The following SCHIP1 variants were observed in gnomAD, a reference collection of about 807,000 sequenced individuals.
SCHIP1 encodes the protein schwannomin-interacting protein 1.
A neutral mutation model predicts 29.7 loss-of-function variants in SCHIP1; 8 were observed. The ratio of observed to expected loss-of-function variants is 0.27; its 90% CI spans 0.16 to 0.49. The LOEUF (loss-of-function observed/expected upper bound fraction) is 0.49, where lower values mean the gene tolerates loss of function less well. Among genes scored for constraint, SCHIP1 ranks in the 20% least tolerant of loss-of-function variants. The pLI is 0.99. For missense variants in SCHIP1, 193 were observed against 294.6 expected, an observed-to-expected ratio of 0.66 and a Z score of 2.52; for synonymous variants, 76 against 94.9, an observed-to-expected ratio of 0.80 and a Z score of 1.16.
the SCHIP1 span, among the ~76,000 whole-genome samples, chr3:159,350,255 C>T: frequency 1.3e-5 from 2 of 152,102 alleles, no homozygotes; most frequent in Non-Finnish European, 2.9e-5. Context: ...AGGTTAAAAA[C>T]CCGGCTCCTT....
At chr3:159,506,218 C>T in the SCHIP1 span, among the ~76,000 whole-genome samples, 1 of 152,110 alleles carries the variant, frequency 6.6e-6, no homozygotes, top group African/African-American at 2.4e-5. Context: ...CTCTGATGGC[C>T]AGTGATGATG....
At chr3:159,396,107 T>C in the SCHIP1 span, among the ~76,000 whole-genome samples, 2 of 139,866 alleles carry the variant, frequency 1.4e-5, no homozygotes, top group African/African-American at 2.6e-5. Context: ...TCTTTGTTGG[T>C]TTAAAGTCTG....
At chr3:159,497,355 C>T in the SCHIP1 span, among the ~76,000 whole-genome samples, 2 of 152,072 alleles carry the variant, frequency 1.3e-5, no homozygotes, top group African/African-American at 4.8e-5. Flanking sequence ...GATAAATGTT[C>T]TATCACATGT....
chr3:159,585,063 C>G, the SCHIP1 span, among the ~76,000 whole-genome samples: 1 of 151,912 alleles, frequency 6.6e-6, no homozygotes, highest in Non-Finnish European at 1.5e-5. Context: ...TTTTAAATTA[C>G]ACCCTGCCCC....
the SCHIP1 span, among the ~76,000 whole-genome samples, chr3:159,501,959 T>C: frequency 1.3e-5 from 2 of 152,316 alleles, no homozygotes; most frequent in East Asian, 3.9e-4. Flanking sequence ...CTTCTGATCA[T>C]TAATCCTATG....
chr3:159,308,616 G>T, the SCHIP1 span, among the ~76,000 whole-genome samples: 1 of 152,114 alleles, frequency 6.6e-6, no homozygotes. Context: ...ATTTCTCAAA[G>T]AACTTAAAAC....
the SCHIP1 span, chr3:159,386,616 G>A: frequency 6.6e-6 from 1 of 152,186 alleles, no homozygotes; most frequent in African/African-American, 2.4e-5. Context: ...CAAAGCTGGA[G>A]ACATCATGCT....
At chr3:159,323,427 T>G in the SCHIP1 span, among the ~76,000 whole-genome samples, 1 of 152,210 alleles carries the variant, frequency 6.6e-6, no homozygotes, top group Admixed American at 6.5e-5. Context: ...GCACCCTTTT[T>G]TAGAATTTGT....
the SCHIP1 span, among the ~76,000 whole-genome samples, chr3:159,315,925 G>A: frequency 4.0e-4 from 54 of 136,430 alleles, 2 homozygotes; most frequent in African/African-American, 1.3e-3. Context: ...TTTTTTGTCG[G>A]GGAGGGGGTA....
the SCHIP1 span, among the ~76,000 whole-genome samples, chr3:159,769,300 C>G: frequency 6.6e-6 from 1 of 152,086 alleles, no homozygotes; most frequent in African/African-American, 2.4e-5. Flanking sequence ...GGGGGCACTG[C>G]CTCAGTGTAC....
the SCHIP1 span, among the ~76,000 whole-genome samples, chr3:159,478,202 C>T: frequency 6.6e-6 from 1 of 152,132 alleles, no homozygotes; most frequent in Non-Finnish European, 1.5e-5. Flanking sequence ...GGATTACAGG[C>T]ATGAGCCACC....
the SCHIP1 span, among the ~76,000 whole-genome samples, chr3:159,556,125 C>T: frequency 2.0e-5 from 3 of 152,130 alleles, no homozygotes; most frequent in African/African-American, 7.2e-5. Context: ...ACAGACACTT[C>T]TCAAAAGAAG....
chr3:159,595,658 TA>T, the SCHIP1 span, among the ~76,000 whole-genome samples: 2 of 152,122 alleles, frequency 1.3e-5, no homozygotes, highest in South Asian at 2.1e-4. Flanking sequence ...CACCACTATT[TA>T]AAAAAAGAAT....
At chr3:159,323,664 A>T in the SCHIP1 span, among the ~76,000 whole-genome samples, 1 of 152,244 alleles carries the variant, frequency 6.6e-6, no homozygotes, top group Non-Finnish European at 1.5e-5. Flanking sequence ...GGAAATAAAG[A>T]CCAACCAAAT....
At chr3:159,503,369 C>T in the SCHIP1 span, among the ~76,000 whole-genome samples, 1 of 152,340 alleles carries the variant, frequency 6.6e-6, no homozygotes, top group Middle Eastern at 3.4e-3. Flanking sequence ...TTCCTTTCAT[C>T]ACTCTTACTA....
At chr3:159,273,884 G>A in the SCHIP1 span, 1 of 1,613,300 alleles carries the variant, frequency 6.2e-7, no homozygotes, top group Non-Finnish European at 8.5e-7. Context: ...CTCTGACAGT[G>A]TAAGTTTTAC....
chr3:159,340,330 AAT>A, the SCHIP1 span, among the ~76,000 whole-genome samples: 6 of 152,152 alleles, frequency 3.9e-5, no homozygotes, highest in South Asian at 1.2e-3. Flanking sequence ...TTTCTCATTA[AAT>A]GATGCAATTC....
the SCHIP1 span, among the ~76,000 whole-genome samples, chr3:159,737,041 A>C: frequency 6.6e-6 from 1 of 152,202 alleles, no homozygotes; most frequent in African/African-American, 2.4e-5. Context: ...GCCAAAGACC[A>C]CATTCTTTTA....
the SCHIP1 span, among the ~76,000 whole-genome samples, chr3:159,382,916 T>C: frequency 6.6e-6 from 1 of 151,410 alleles, no homozygotes; most frequent in Non-Finnish European, 1.5e-5. Flanking sequence ...TTTTGAGAAA[T>C]GTCTGTTCAT....
Sources: gnomAD v4.1 joint callset for allele counts (sites outside exome capture counted in the v4.1 genomes callset) on GRCh38, gnomAD v4.1.1 for gene constraint, MANE v1.5 for transcripts, NCBI Gene and HGNC (gene_info 2026-07-23, HGNC 2026-07-21) for gene names.